Variants in PEX19 observed in about 807,000 individuals in gnomAD.
PEX19 encodes 33 kDa housekeeping protein.
In PEX19, 29 loss-of-function variants were observed where a neutral mutation model predicts 36.3. The ratio of observed to expected loss-of-function variants is 0.80; its 90% confidence interval spans 0.60 to 1.09. The LOEUF is 1.09. Ranked by LOEUF, PEX19 falls within the 50% of genes least tolerant of loss-of-function variation. PEX19 has a pLI of 0.00. For missense variants in PEX19, 396 were observed against 368.1 expected (o/e 1.08, Z -0.62); for synonymous variants, 141 against 135.2 (o/e 1.04, Z -0.30).
At position 160,278,736 on chromosome 1, in the gene PEX19, G is replaced by GA. The variant is rs1277030341; in HGVS notation, c.*814dup. 1 of 454,002 alleles carries GA rather than the reference G, an allele frequency of 2.2e-6. No homozygotes were observed. The highest frequency in any genetic ancestry group is 2.0e-5 in the African/African-American group (1 of 49,994). 28.1% of individuals were successfully genotyped at this position (454,002 alleles called of 1,614,324 possible). A position where few individuals can be genotyped will look rare whatever the true frequency, so the allele number is the denominator to read the frequency against. ...GAATCGTAAATGGACTAGATGAGGG[G>GA]AAATAGGATGGGCCCTTCTTTATCA... is the stretch of plus-strand genomic sequence containing the variant. On this transcript the variant is annotated 3_prime_UTR_variant, in exon 8 of 8. Transcript: ENST00000368072.
chr1:160,280,263 T>G lies in PEX19; in HGVS notation c.595-17A>C. On this transcript the variant is annotated splice_polypyrimidine_tract_variant and intron_variant, in intron 5 of 7. Transcript: ENST00000368072. ...TTCTGGATACTAAGAAAAGAGAGAA[T>G]GGGTGGAAAAGAATTAAGTGAACAA... 1 of 1,608,964 alleles carries G rather than the reference T, an allele frequency of 6.2e-7. No homozygotes were observed. The highest frequency in any genetic ancestry group is 1.1e-5 in the South Asian group (1 of 90,936).
At chr1:160,282,888 G>A in intron 3 of PEX19, 56 bp downstream of exon 3, 2 of 1,570,814 alleles carry the variant, frequency 1.3e-6, no homozygotes, top group Non-Finnish European at 1.8e-6. Flanking sequence ...GTGTTTTCAG[G>A]CAACAAAGAC....
rs1274437889 is a variant in PEX19 at position 160,277,731 on chromosome 1, C to CT, written c.*1819dup. The CT allele has an allele frequency of 2.2e-6, 1 of 461,076 alleles. No individual in the cohort carries two copies. Among genetic ancestry groups the CT allele is most frequent in the African/African-American group, 2.0e-5 (1 of 50,324 alleles). The allele number at this position is 461,076 out of a possible 1,614,324, so 28.6% of individuals were successfully genotyped here. A position where few individuals can be genotyped will look rare whatever the true frequency, so the allele number is the denominator to read the frequency against. The stretch of plus-strand genomic sequence containing the variant: ...GGCACAAGGTTCATAGAGAAGGGCT[C>CT]TTTTGTTCTTCCCTCCTCCTCTCTA... On this transcript the variant is annotated 3_prime_UTR_variant, in exon 8 of 8. Transcript: ENST00000368072.
At chr1:160,282,334 C>T (rs1474681884) in intron 4 of PEX19, 83 bp downstream of exon 4, 1 of 1,414,840 alleles carries the variant, frequency 7.1e-7, no homozygotes, top group African/African-American at 1.4e-5. Flanking sequence ...TGGGATGATA[C>T]TCAAAGCATC....
rs200120727 is a variant in PEX19 at position 160,279,543 on chromosome 1, G to A, written c.*8C>T. 56 of 1,610,510 alleles carry A rather than the reference G, an allele frequency of 3.5e-5. No individual in the cohort carries two copies. The highest frequency in any genetic ancestry group is 4.6e-5 in the Non-Finnish European group (54 of 1,176,614). The stretch of plus-strand genomic sequence containing the variant: ...AGCTGGGACTCAGAGAGGAAAACGT[G>A]TTGTGTTTCACATGATCAGACACTG... On this transcript the variant is annotated 3_prime_UTR_variant, in exon 8 of 8. Transcript: ENST00000368072.
At position 160,277,282 on chromosome 1, in the gene PEX19, G is replaced by A. The variant is rs1231432305; in HGVS notation, c.*2269C>T. The A allele has an allele frequency of 2.2e-6, 1 of 455,692 alleles. No homozygotes were observed. The highest frequency in any genetic ancestry group is 4.4e-6 in the Non-Finnish European group (1 of 226,770). 28.2% of individuals were successfully genotyped at this position (455,692 alleles called of 1,614,324 possible). A position where few individuals can be genotyped will look rare whatever the true frequency, so the allele number is the denominator to read the frequency against. On this transcript the variant is annotated 3_prime_UTR_variant, in exon 8 of 8. Coordinates refer to ENST00000368072, the MANE Select transcript of PEX19 (RefSeq NM_002857.4). Reference sequence around the variant, plus strand: ...AACTTTTTAGCATTTCAATGTTGCTGTGATATCCAAGTACATGATCAATGG... The same window carrying A: ...AACTTTTTAGCATTTCAATGTTGCTATGATATCCAAGTACATGATCAATGG...
Position 160,279,499 on chromosome 1 carries a change from G to T in PEX19, c.*52C>A. The T allele has an allele frequency of 5.6e-6, 8 of 1,440,460 alleles. No homozygotes were observed. Among genetic ancestry groups the T allele is most frequent in the Non-Finnish European group, 7.8e-6 (8 of 1,022,556 alleles). 89.2% of individuals were successfully genotyped at this position (1,440,460 alleles called of 1,614,324 possible). The stretch of plus-strand genomic sequence containing the variant: ...TGCCTCAGGTCCCAATGGTTCTGCT[G>T]ACTCCAGATGTTCCCCATAGCTGGG... On this transcript the variant is annotated 3_prime_UTR_variant, in exon 8 of 8. Transcript: ENST00000368072.
At position 160,278,230 on chromosome 1, in the gene PEX19, A is replaced by G; in HGVS notation, c.*1321T>C. On this transcript the variant is annotated 3_prime_UTR_variant, in exon 8 of 8. Coordinates refer to ENST00000368072, the MANE Select transcript of PEX19 (RefSeq NM_002857.4). ...AATTTAGAAAACATAACAATATATT[A>G]CTAACATTAATAACAATAATGTAAA... 1.4e-6 allele frequency: 1 copy of G among 701,738 alleles called. No individual in the cohort carries two copies. The highest frequency in any genetic ancestry group is 2.6e-6 in the Non-Finnish European group (1 of 384,846). 43.5% of individuals were successfully genotyped at this position (701,738 alleles called of 1,614,324 possible).
At position 160,278,182 on chromosome 1, in the gene PEX19, G is replaced by A. The variant is rs1242952903; in HGVS notation, c.*1369C>T. On this transcript the variant is annotated 3_prime_UTR_variant, in exon 8 of 8. Transcript: ENST00000368072. ...ACCCACTGGGAGCCACAGAAAAAAAGCCACGTCAGCTTAAAGAAAAATAAT... is the reference window on the plus strand; with the variant it reads ...ACCCACTGGGAGCCACAGAAAAAAAACCACGTCAGCTTAAAGAAAAATAAT... 1.4e-6 allele frequency: 1 copy of A among 702,378 alleles called. No individual in the cohort carries two copies. Among genetic ancestry groups the A allele is most frequent in the Non-Finnish European group, 2.6e-6 (1 of 384,970 alleles). The allele number at this position is 702,378 out of a possible 1,614,324, so 43.5% of individuals were successfully genotyped here.
In PEX19 at chr1:160,276,979, T is replaced by A. The variant is rs1431765362; in HGVS notation, c.*2572A>T. Reference sequence around the variant, plus strand: ...TTAAACCTAAGCTTTGTAACGATTATTTTTGAGCAGCAGAAAAGGAAGGCT... The same window carrying A: ...TTAAACCTAAGCTTTGTAACGATTAATTTTGAGCAGCAGAAAAGGAAGGCT... On this transcript the variant is annotated 3_prime_UTR_variant, in exon 8 of 8. Transcript: ENST00000368072. The A allele has an allele frequency of 2.2e-6, 1 of 454,002 alleles. No homozygotes were observed. Among genetic ancestry groups the A allele is most frequent in the Admixed American group, 2.4e-5 (1 of 42,552 alleles). The allele number at this position is 454,002 out of a possible 1,614,324, so 28.1% of individuals were successfully genotyped here.
intron 5 of PEX19, chr1:160,281,319 AC>A (rs1657762079): frequency 6.6e-6 from 1 of 152,622 alleles, no homozygotes; most frequent in African/African-American, 2.4e-5. Context: ...AAATGATACA[AC>A]CACACATATA....
rs756172366 is a variant in PEX19 at position 160,283,643 on chromosome 1, C to A, written c.71-4G>T. The A allele has an allele frequency of 6.2e-7, 1 of 1,608,248 alleles. No individual in the cohort carries two copies. The highest frequency in any genetic ancestry group is 1.1e-5 in the South Asian group (1 of 90,944). On this transcript the variant is annotated splice_polypyrimidine_tract_variant and splice_region_variant and intron_variant, in intron 1 of 7. Coordinates refer to ENST00000368072, the MANE Select transcript of PEX19 (RefSeq NM_002857.4). ...TTATCGAAATCATCAAGAGCACCTTCAGAGACAAGAGACATGGTGTGTGTG... is the reference window on the plus strand; with the variant it reads ...TTATCGAAATCATCAAGAGCACCTTAAGAGACAAGAGACATGGTGTGTGTG...
chr1:160,282,792 C>T (rs1047566641), intron 3 of PEX19, 152 bp downstream of exon 3: 7 of 827,218 alleles, frequency 8.5e-6, no homozygotes, highest in Non-Finnish European at 8.1e-6. Flanking sequence ...TTTTCATTAA[C>T]AGGGATTCCC....
chr1:160,276,994 A>T lies in PEX19; in HGVS notation c.*2557T>A, dbSNP rs1482837338. On this transcript the variant is annotated 3_prime_UTR_variant, in exon 8 of 8. Transcript: ENST00000368072. ...GTAACGATTATTTTTGAGCAGCAGAAAAGGAAGGCTAGAGAAATGCTAGAG... is the reference window on the plus strand; with the variant it reads ...GTAACGATTATTTTTGAGCAGCAGATAAGGAAGGCTAGAGAAATGCTAGAG... 2.2e-6 allele frequency: 1 copy of T among 454,124 alleles called. No individual in the cohort carries two copies. The highest frequency in any genetic ancestry group is 2.3e-5 in the Admixed American group (1 of 42,568). 28.1% of individuals were successfully genotyped at this position (454,124 alleles called of 1,614,324 possible). A position where few individuals can be genotyped will look rare whatever the true frequency, so the allele number is the denominator to read the frequency against.
Position 160,278,770 on chromosome 1 carries a change from G to C in PEX19, c.*781C>G, listed in dbSNP as rs977131238. On this transcript the variant is annotated 3_prime_UTR_variant, in exon 8 of 8. Coordinates refer to ENST00000368072, the MANE Select transcript of PEX19 (RefSeq NM_002857.4). ...TGGGCCCTTCTTTATCACAGCTTGAGCTCAAAAAGGTTGGGATAAACAGGT... is the reference window on the plus strand; with the variant it reads ...TGGGCCCTTCTTTATCACAGCTTGACCTCAAAAAGGTTGGGATAAACAGGT... The C allele has an allele frequency of 1.3e-5, 6 of 454,072 alleles. No homozygotes were observed. Among genetic ancestry groups the C allele is most frequent in the Non-Finnish European group, 2.2e-5 (5 of 226,786 alleles). The allele number at this position is 454,072 out of a possible 1,614,324, so 28.1% of individuals were successfully genotyped here. A position where few individuals can be genotyped will look rare whatever the true frequency, so the allele number is the denominator to read the frequency against.
chr1:160,278,039 C>T lies in PEX19; in HGVS notation c.*1512G>A. The T allele has an allele frequency of 1.4e-6, 1 of 700,662 alleles. No individual in the cohort carries two copies. Among genetic ancestry groups the T allele is most frequent in the South Asian group, 1.5e-5 (1 of 67,460 alleles). The allele number at this position is 700,662 out of a possible 1,614,324, so 43.4% of individuals were successfully genotyped here. On this transcript the variant is annotated 3_prime_UTR_variant, in exon 8 of 8. Coordinates refer to ENST00000368072, the MANE Select transcript of PEX19 (RefSeq NM_002857.4). The stretch of plus-strand genomic sequence containing the variant: ...CGGGGCAAGTGACATGTCAGAAGCT[C>T]AAAGCGACTCATAATGCATGTGAAT...
intron 2 of PEX19, among the ~76,000 whole-genome samples, 182 bp from the exon 3 acceptor site, chr1:160,283,291 G>A (rs924857217): frequency 2.0e-5 from 3 of 152,206 alleles, no homozygotes; most frequent in African/African-American, 7.2e-5. Context: ...TTGAAGGAGG[G>A]TATGGGATGG....
At chr1:160,283,146 T>A (rs1220319577) in intron 2 of PEX19, 37 bp from the exon 3 acceptor site, 1 of 1,608,816 alleles carries the variant, frequency 6.2e-7, no homozygotes, top group Non-Finnish European at 8.5e-7. Context: ...GTCTCTTACT[T>A]AGGACTACAC....
At chr1:160,284,857 T>G (rs113145192) in intron 1 of PEX19, among the ~76,000 whole-genome samples, 198 bp downstream of exon 1, 7 of 152,114 alleles carry the variant, frequency 4.6e-5, no homozygotes, top group Admixed American at 1.3e-4. Context: ...GGACCCCAGG[T>G]GAGCTCCCCA....
Sources: allele counts gnomAD v4.1 joint callset (sites outside exome capture counted in the v4.1 genomes callset), GRCh38; gene constraint gnomAD v4.1.1; transcripts MANE v1.5; gene names NCBI Gene and HGNC (gene_info 2026-07-23, HGNC 2026-07-21).